PSMB7: variants seen among roughly 807,000 people sequenced by gnomAD.
The protein encoded by PSMB7 is proteasome subunit beta type-7.
Under a neutral mutation model 28.1 loss-of-function variants are expected in PSMB7, and 5 were observed. That is an observed-to-expected ratio of 0.18 (90% CI 0.09 to 0.37). PSMB7 has a LOEUF of 0.37. PSMB7 is among the 10% of genes least tolerant of loss of function. The probability of loss-of-function intolerance (pLI) is 1.00; values close to 1 mark genes in which losing one functional copy is unlikely to be tolerated. For synonymous variants in PSMB7, 122 were observed against 123.7 expected (o/e 0.99, Z 0.09); for missense variants, 275 against 346.2 (o/e 0.79, Z 1.63).
Position 124,384,581 on chromosome 9 carries a change from T to C in PSMB7, c.570+17A>G, listed in dbSNP as rs1830700553. On this transcript the variant is annotated intron_variant, in intron 6 of 7. Transcript: ENST00000259457. ...AAAAATCTTTGAAAAAGAATAAAAC[T>C]GCAGGGACTTACATACCTCCATGTC... is the stretch of plus-strand genomic sequence containing the variant. The C allele has an allele frequency of 1.3e-6, 2 of 1,596,514 alleles. No individual in the cohort carries two copies. The highest frequency in any genetic ancestry group is 2.7e-5 in the African/African-American group (2 of 73,820).
intron 6 of PSMB7, among the ~76,000 whole-genome samples, chr9:124,367,170 T>C (rs1251392657): frequency 6.6e-6 from 1 of 152,028 alleles, no homozygotes; most frequent in East Asian, 1.9e-4. Context: ...GCAGAGCAGA[T>C]GTGGGTGAGG....
At chr9:124,401,424 G>C (rs144836392) in intron 5 of PSMB7, among the ~76,000 whole-genome samples, 2 of 152,374 alleles carry the variant, frequency 1.3e-5, no homozygotes, top group East Asian at 1.9e-4. Flanking sequence ...CTCTGAGGCA[G>C]ACGCTGTGTT....
intron 6 of PSMB7, among the ~76,000 whole-genome samples, chr9:124,377,943 G>A (rs1830629911): frequency 6.6e-6 from 1 of 152,248 alleles, no homozygotes; most frequent in Non-Finnish European, 1.5e-5. Context: ...GCTGGTGTTA[G>A]CACGCCTCAG....
intron 5 of PSMB7, among the ~76,000 whole-genome samples, chr9:124,401,933 C>A (rs975054324): frequency 1.1e-4 from 16 of 151,582 alleles, no homozygotes; most frequent in African/African-American, 3.9e-4. Context: ...GCAGGAGAAT[C>A]ACTTGAACCC....
intron 6 of PSMB7, among the ~76,000 whole-genome samples, chr9:124,360,814 T>A (rs918971253): frequency 6.6e-6 from 1 of 152,194 alleles, no homozygotes; most frequent in Non-Finnish European, 1.5e-5. Flanking sequence ...CTCTGTAATA[T>A]AATGATAATA....
chr9:124,397,308 C>T (rs962010312), intron 5 of PSMB7, among the ~76,000 whole-genome samples: 1 of 152,172 alleles, frequency 6.6e-6, no homozygotes, highest in Non-Finnish European at 1.5e-5. Flanking sequence ...ATGTGATGTT[C>T]ACAAAGAAGG....
At chr9:124,358,014 A>T (rs1830430267) in intron 6 of PSMB7, among the ~76,000 whole-genome samples, 2 of 152,206 alleles carry the variant, frequency 1.3e-5, no homozygotes, top group Non-Finnish European at 2.9e-5. Context: ...TACAACGAGG[A>T]CAAAAATGAA....
intron 6 of PSMB7, among the ~76,000 whole-genome samples, chr9:124,374,748 C>T (rs763084824): frequency 2.0e-5 from 3 of 152,132 alleles, no homozygotes; most frequent in Non-Finnish European, 2.9e-5. Context: ...CCCTTGAACC[C>T]AGGCATTCAA....
intron 5 of PSMB7, among the ~76,000 whole-genome samples, chr9:124,392,911 T>G (rs756389496): frequency 1.3e-5 from 2 of 152,208 alleles, no homozygotes; most frequent in African/African-American, 2.4e-5. Context: ...TATGCGGCGA[T>G]AACAGAGTCA....
chr9:124,406,353 T>C (rs917930240), intron 4 of PSMB7, among the ~76,000 whole-genome samples: 1 of 151,516 alleles, frequency 6.6e-6, no homozygotes, highest in African/African-American at 2.4e-5. Context: ...ATACAAAAAA[T>C]TAGCAAGGCA....
At chr9:124,394,351 T>C (rs1055291416) in intron 5 of PSMB7, among the ~76,000 whole-genome samples, 1 of 152,190 alleles carries the variant, frequency 6.6e-6, no homozygotes, top group African/African-American at 2.4e-5. Flanking sequence ...GTCATAAGCA[T>C]ATAAAGGCAC....
At chr9:124,375,821 G>C (rs1830605329) in intron 6 of PSMB7, among the ~76,000 whole-genome samples, 1 of 152,150 alleles carries the variant, frequency 6.6e-6, no homozygotes, top group Non-Finnish European at 1.5e-5. Context: ...AGTCTTCCTT[G>C]ATCTCCACTG....
At chr9:124,405,767 A>C (rs1053344473) in intron 4 of PSMB7, among the ~76,000 whole-genome samples, 7 of 152,082 alleles carry the variant, frequency 4.6e-5, no homozygotes, top group African/African-American at 1.7e-4. Context: ...CTGCAGCCTC[A>C]ACCTCCCCAG....
chr9:124,388,743 A>T (rs906463021), intron 5 of PSMB7, among the ~76,000 whole-genome samples: 1 of 152,124 alleles, frequency 6.6e-6, no homozygotes, highest in Admixed American at 6.5e-5. Flanking sequence ...CACGCTGCCC[A>T]TGATTTCCTA....
chr9:124,385,194 C>T lies in PSMB7; in HGVS notation c.512-538G>A, dbSNP rs892026413. Among the ~76,000 whole-genome samples, 3 of 152,342 alleles carry T rather than the reference C, an allele frequency of 2.0e-5. No individual in the cohort carries two copies. The East Asian group carries it at 5.8e-4, about 29-fold the overall frequency. On this transcript the variant is annotated intron_variant, in intron 5 of 7. Transcript: ENST00000259457. The stretch of plus-strand genomic sequence containing the variant: ...AGCAGCAGCCACCAGGTTATTCCAG[C>T]TACAACTGTAAAACACTTTATTATG...
At position 124,388,227 on chromosome 9, in the gene PSMB7, T is replaced by C. The variant is rs150744402; in HGVS notation, c.512-3571A>G. Reference sequence around the variant, plus strand: ...GCAGAGACATCTTAGACATCAGAACTGTCTGGTTTCCCATTAAAGAACAGA... The same window carrying C: ...GCAGAGACATCTTAGACATCAGAACCGTCTGGTTTCCCATTAAAGAACAGA... On this transcript the variant is annotated intron_variant, in intron 5 of 7. Coordinates refer to ENST00000259457, the MANE Select transcript of PSMB7 (RefSeq NM_002799.4). 4.9e-4 allele frequency among the ~76,000 whole-genome samples: 74 copies of C among 152,346 alleles called. No homozygotes were observed. In the East Asian group the frequency reaches 5.4e-3, roughly 11 times the overall value.
intron 5 of PSMB7, among the ~76,000 whole-genome samples, chr9:124,392,832 G>C (rs1311643329): frequency 6.6e-6 from 1 of 152,174 alleles, no homozygotes; most frequent in African/African-American, 2.4e-5. Flanking sequence ...TGCTCCTTCT[G>C]CTAAAGAGCG....
intron 5 of PSMB7, among the ~76,000 whole-genome samples, chr9:124,391,010 A>T (rs534864566): frequency 6.6e-5 from 10 of 152,212 alleles, no homozygotes; most frequent in Admixed American, 2.0e-4. Flanking sequence ...ACCGTCTTAG[A>T]GGTACAATCA....
At chr9:124,355,235 G>A (rs1446947938) in intron 7 of PSMB7, among the ~76,000 whole-genome samples, 1 of 152,358 alleles carries the variant, frequency 6.6e-6, no homozygotes, top group African/African-American at 2.4e-5. Context: ...CACACGCCCA[G>A]CAGCTTCTGG....
Sources: allele counts gnomAD v4.1 joint callset (sites outside exome capture counted in the v4.1 genomes callset), GRCh38; gene constraint gnomAD v4.1.1; transcripts MANE v1.5; gene names NCBI Gene and HGNC (gene_info 2026-07-23, HGNC 2026-07-21).